ST3GAL5: variants seen among roughly 807,000 people sequenced by gnomAD.
ST3GAL5 encodes the protein lactosylceramide alpha-2,3-sialyltransferase.
ST3GAL5 carries 25 observed loss-of-function variants against 46.1 expected under a neutral mutation model. The ratio of observed to expected loss-of-function variants is 0.54; its 90% CI spans 0.40 to 0.76. The LOEUF is 0.76. Among genes scored for constraint, ST3GAL5 ranks in the 30% least tolerant of loss-of-function variants. The probability of loss-of-function intolerance (pLI) is 0.00; values close to 1 mark genes in which losing one functional copy is unlikely to be tolerated. For missense variants in ST3GAL5, 431 were observed against 521.2 expected (o/e 0.83, Z 1.69); for synonymous variants, 182 against 192.7 (o/e 0.94, Z 0.46).
chr2:85,865,021 GGAT>G lies in ST3GAL5; in HGVS notation c.83-1539_83-1537del. On this transcript the variant is annotated intron_variant, in intron 1 of 6. Transcript: ENST00000638572. ...ACCACACAGAGAGGACATTACTCAA[GGAT>G]GGTGGAACAACAAGAGAAGGAGCTG... 1.3e-5 allele frequency among the ~76,000 whole-genome samples: 2 copies of G among 152,200 alleles called. 1 individual carries two copies. Among genetic ancestry groups the G allele is most frequent in the Middle Eastern group, 6.3e-3 (2 of 316 alleles).
intron 1 of ST3GAL5, among the ~76,000 whole-genome samples, chr2:85,885,076 C>T (rs1317357154): frequency 4.6e-5 from 7 of 152,202 alleles, no homozygotes; most frequent in Non-Finnish European, 7.4e-5. Flanking sequence ...GCTGTAATAA[C>T]GGGACAACAA....
chr2:85,862,089 A>C (rs1684796071), intron 2 of ST3GAL5, among the ~76,000 whole-genome samples: 1 of 152,210 alleles, frequency 6.6e-6, no homozygotes, highest in African/African-American at 2.4e-5. Flanking sequence ...TAATAGATGC[A>C]AAATATTTCT....
intron 3 of ST3GAL5, among the ~76,000 whole-genome samples, chr2:85,856,823 G>C (rs1450930674): frequency 6.6e-6 from 1 of 151,012 alleles, no homozygotes; most frequent in Non-Finnish European, 1.5e-5. Context: ...TTCCTGCCTC[G>C]GCCTCCCAAA....
intron 1 of ST3GAL5, chr2:85,888,185 AGGGCTCCTCGGG>A (rs1424962629): frequency 6.6e-6 from 1 of 152,306 alleles, no homozygotes. Context: ...AGGCAAGGGC[AGGGCTCCTCGGG>A]GATGCTCTCG....
At chr2:85,854,718 G>T (rs1683907379) in intron 3 of ST3GAL5, 1 of 152,190 alleles carries the variant, frequency 6.6e-6, no homozygotes, top group Non-Finnish European at 1.5e-5. Flanking sequence ...TTGAATATAT[G>T]TAAGTGCATA....
At chr2:85,859,118 C>G (rs1325234435) in intron 3 of ST3GAL5, among the ~76,000 whole-genome samples, 1 of 152,200 alleles carries the variant, frequency 6.6e-6, no homozygotes, top group African/African-American at 2.4e-5. Context: ...CTAAAACACA[C>G]CTTCTCCACC....
chr2:85,879,585 C>T (rs1292478031), intron 1 of ST3GAL5, among the ~76,000 whole-genome samples: 3 of 152,274 alleles, frequency 2.0e-5, no homozygotes, highest in Non-Finnish European at 2.9e-5. Flanking sequence ...ACATTATACA[C>T]GCAGAATCTG....
chr2:85,875,033 C>T (rs774435208), intron 1 of ST3GAL5, among the ~76,000 whole-genome samples: 15 of 152,062 alleles, frequency 9.9e-5, no homozygotes, highest in African/African-American at 2.2e-4. Flanking sequence ...GTCTCCCCCC[C>T]ACCATGGAAG....
chr2:85,883,666 G>A (rs1006045597), intron 1 of ST3GAL5, among the ~76,000 whole-genome samples: 1 of 152,184 alleles, frequency 6.6e-6, no homozygotes, highest in African/African-American at 2.4e-5. Flanking sequence ...AGTGCAGTGT[G>A]CCTAAAGGGT....
chr2:85,885,081 C>G (rs1030510436), intron 1 of ST3GAL5, among the ~76,000 whole-genome samples: 3 of 152,124 alleles, frequency 2.0e-5, no homozygotes, highest in African/African-American at 7.2e-5. Context: ...AATAACGGGA[C>G]AACAAAAATG....
At chr2:85,861,919 G>T (rs143685030) in intron 2 of ST3GAL5, among the ~76,000 whole-genome samples, 1 of 151,424 alleles carries the variant, frequency 6.6e-6, no homozygotes, top group African/African-American at 2.4e-5. Context: ...GACACAAACC[G>T]CAAGCTAAAA....
intron 3 of ST3GAL5, among the ~76,000 whole-genome samples, chr2:85,858,719 C>A (rs1306409891): frequency 2.0e-5 from 3 of 152,214 alleles, no homozygotes; most frequent in African/African-American, 7.2e-5. Context: ...GATTGGCTGC[C>A]ATCCCTATAC....
chr2:85,882,947 C>G (rs1175959419), intron 1 of ST3GAL5, among the ~76,000 whole-genome samples: 1 of 152,084 alleles, frequency 6.6e-6, no homozygotes, highest in African/African-American at 2.4e-5. Context: ...ATGCCTGTAC[C>G]CCTATTGTAT....
chr2:85,875,033 C>G (rs774435208), intron 1 of ST3GAL5, among the ~76,000 whole-genome samples: 11 of 152,180 alleles, frequency 7.2e-5, no homozygotes, highest in Admixed American at 2.0e-4. Context: ...GTCTCCCCCC[C>G]ACCATGGAAG....
At chr2:85,878,427 G>A (rs1479922200) in intron 1 of ST3GAL5, among the ~76,000 whole-genome samples, 2 of 152,068 alleles carry the variant, frequency 1.3e-5, no homozygotes, top group African/African-American at 2.4e-5. Flanking sequence ...CATTCCACTC[G>A]GGAATGAAGT....
At chr2:85,852,508 A>G (rs1244754351) in intron 3 of ST3GAL5, among the ~76,000 whole-genome samples, 1 of 152,162 alleles carries the variant, frequency 6.6e-6, no homozygotes, top group Non-Finnish European at 1.5e-5. Flanking sequence ...AAAAATTTAA[A>G]TAACCAAGTC....
chr2:85,867,610 G>A (rs1484615165), intron 1 of ST3GAL5: 2 of 780,918 alleles, frequency 2.6e-6, no homozygotes, highest in African/African-American at 1.7e-5. Flanking sequence ...CTTACGAACA[G>A]AAGCCATGTC....
chr2:85,841,356 T>C (rs1682069672), intron 6 of ST3GAL5, among the ~76,000 whole-genome samples: 1 of 151,736 alleles, frequency 6.6e-6, no homozygotes, highest in Non-Finnish European at 1.5e-5. Context: ...TGAGACAGCA[T>C]CGGTCTCACT....
intron 1 of ST3GAL5, among the ~76,000 whole-genome samples, chr2:85,868,621 C>CTTT (rs34467025): frequency 7.2e-6 from 1 of 139,796 alleles, no homozygotes; most frequent in African/African-American, 2.6e-5. Flanking sequence ...GGCAATTAAA[C>CTTT]TTTTTTTTTT....
Sources: allele counts gnomAD v4.1 joint callset (sites outside exome capture counted in the v4.1 genomes callset), GRCh38; gene constraint gnomAD v4.1.1; transcripts MANE v1.5; gene names NCBI Gene and HGNC (gene_info 2026-07-23, HGNC 2026-07-21).